Variants in WDR48 observed in about 807,000 individuals in gnomAD.
WDR48 encodes WD repeat domain 48, also known as WD repeat-containing protein 48.
Under a neutral mutation model 94.0 loss-of-function variants are expected in WDR48, and 22 were observed. That is an observed-to-expected ratio of 0.23 (90% CI 0.17 to 0.33). WDR48 has a LOEUF of 0.33. Ranked by LOEUF, WDR48 falls within the 10% of genes least tolerant of loss-of-function variation. The pLI is 1.00. For missense variants in WDR48, 541 were observed against 813.8 expected (o/e 0.66, Z 4.08); for synonymous variants, 278 against 280.5 (o/e 0.99, Z 0.09).
At chr3:39,086,943 T>G (rs1435149379) in intron 14 of WDR48, among the ~76,000 whole-genome samples, 1 of 152,118 alleles carries the variant, frequency 6.6e-6, no homozygotes, top group Admixed American at 6.5e-5. Flanking sequence ...CAGTGGACAC[T>G]CTGGAGTTGT....
intron 1 of WDR48, among the ~76,000 whole-genome samples, chr3:39,056,283 G>A (rs2032882005): frequency 6.6e-6 from 1 of 152,122 alleles, no homozygotes; most frequent in Admixed American, 6.6e-5. Context: ...TAAATGAAAG[G>A]ACAAAGATAG....
chr3:39,056,189 T>C (rs1015985597), intron 1 of WDR48, among the ~76,000 whole-genome samples: 1 of 152,216 alleles, frequency 6.6e-6, no homozygotes, highest in Non-Finnish European at 1.5e-5. Context: ...ATTGAAGATA[T>C]TGCTTTGATT....
intron 14 of WDR48, among the ~76,000 whole-genome samples, chr3:39,087,255 A>G (rs1455629958): frequency 6.6e-6 from 1 of 152,200 alleles, no homozygotes; most frequent in Non-Finnish European, 1.5e-5. Context: ...AGAAAGCAGA[A>G]TGGAGCTAGG....
chr3:39,089,106 C>T, intron 15 of WDR48, 125 bp from the exon 16 acceptor site: 1 of 772,374 alleles, frequency 1.3e-6, no homozygotes, highest in Middle Eastern at 2.4e-4. Flanking sequence ...CTTTTATTTC[C>T]TCAGCTGTCA....
chr3:39,060,421 TA>T (rs1559597838), intron 1 of WDR48, among the ~76,000 whole-genome samples: 2 of 63,764 alleles, frequency 3.1e-5, no homozygotes, highest in Non-Finnish European at 5.4e-5. Context: ...TGTGTGTGCA[TA>T]TATATATATA....
intron 11 of WDR48, 37 bp from the exon 12 acceptor site, chr3:39,084,118 C>G: frequency 6.5e-7 from 1 of 1,534,064 alleles, no homozygotes; most frequent in Non-Finnish European, 8.9e-7. Flanking sequence ...GAATTCACCA[C>G]TTAATATTGA....
rs762691966 is a variant in WDR48 at position 39,095,218 on chromosome 3, C to A, written c.*475C>A. On this transcript the variant is annotated 3_prime_UTR_variant, in exon 19 of 19. Transcript: ENST00000302313. ...TTCCAAGTTTGTCATATAAAGTAAT[C>A]AAATTGTTTTCACCGTTTAAGACAG... 6.3e-6 allele frequency: 1 copy of A among 158,360 alleles called. No homozygotes were observed. Among genetic ancestry groups the A allele is most frequent in the Non-Finnish European group, 1.4e-5 (1 of 71,580 alleles). 9.8% of individuals were successfully genotyped at this position (158,360 alleles called of 1,614,324 possible).
Position 39,094,057 on chromosome 3 carries a change from C to T in WDR48, c.1929C>T (p.Cys643=), listed in dbSNP as rs181850993. The stretch of plus-strand genomic sequence containing the variant: ...CAGAGGAGAAAATTGAACTTTTGTG[C>T]CAGGACCAGGTAAGTGGACTTGAGG... ...VLAEEKIELL[C]QDQVLDPNMD... Residue 643 remains cysteine, a synonymous_variant, in exon 18 of 19, where the codon TGC becomes TGT. Coordinates refer to ENST00000302313, the MANE Select transcript of WDR48 (RefSeq NM_020839.4). 310 of 1,611,204 alleles carry T rather than the reference C, an allele frequency of 1.9e-4. No homozygotes were observed. The highest frequency in any genetic ancestry group is 3.6e-5 in the Non-Finnish European group (42 of 1,179,126).
At chr3:39,094,528 G>C in intron 18 of WDR48, 120 bp from the exon 19 acceptor site, 1 of 1,543,210 alleles carries the variant, frequency 6.5e-7, no homozygotes, top group South Asian at 1.2e-5. Context: ...GCAAGAATTG[G>C]ATACCAGGCA....
chr3:39,084,827 A>G (rs2034723922), intron 13 of WDR48, 86 bp downstream of exon 13: 21 of 1,114,622 alleles, frequency 1.9e-5, no homozygotes, highest in Non-Finnish European at 2.7e-5. Context: ...TTATCTTTGT[A>G]AAAGTTCTCT....
At position 39,063,191 on chromosome 3, in the gene WDR48, G is replaced by A; in HGVS notation, c.189+1G>A. ...AATATGGAGTGTCAATCAGCACAAGGTAATGCAGGGATTAAAATCTGTACC... is the reference window on the plus strand; with the variant it reads ...AATATGGAGTGTCAATCAGCACAAGATAATGCAGGGATTAAAATCTGTACC... On this transcript the variant is annotated splice_donor_variant, in intron 2 of 18. Coordinates refer to ENST00000302313, the MANE Select transcript of WDR48 (RefSeq NM_020839.4). LOFTEE classifies it high-confidence loss of function. The A allele has an allele frequency of 6.2e-7, 1 of 1,613,332 alleles. No homozygotes were observed.
intron 7 of WDR48, among the ~76,000 whole-genome samples, chr3:39,070,848 A>G (rs1033024679): frequency 2.0e-4 from 30 of 151,878 alleles, no homozygotes; most frequent in Admixed American, 2.0e-3. Flanking sequence ...CACCCCCACA[A>G]CAGTCCCCAG....
chr3:39,060,034 G>A (rs34846193), intron 1 of WDR48, among the ~76,000 whole-genome samples: 15,771 of 151,960 alleles, frequency 0.1, 1,038 homozygotes, highest in East Asian at 0.22. Context: ...TCTTAGTCTT[G>A]CTCGTGTTAC....
intron 7 of WDR48, 29 bp from the exon 8 acceptor site, chr3:39,074,697 G>T: frequency 1.2e-6 from 2 of 1,611,106 alleles, no homozygotes; most frequent in South Asian, 1.1e-5. Context: ...TTTGTGGCAA[G>T]TTCTAACTTT....
intron 1 of WDR48, among the ~76,000 whole-genome samples, chr3:39,061,938 G>A (rs2033294734): frequency 6.6e-6 from 1 of 151,994 alleles, no homozygotes; most frequent in African/African-American, 2.4e-5. Context: ...CTTTTTGATG[G>A]GGTTGTTTTT....
intron 7 of WDR48, among the ~76,000 whole-genome samples, chr3:39,074,345 A>G (rs1325844558): frequency 1.3e-5 from 2 of 152,156 alleles, no homozygotes; most frequent in Admixed American, 1.3e-4. Flanking sequence ...CATTTTCCTT[A>G]TTGGCAACTA....
In WDR48 at chr3:39,093,880, A is replaced by G. The variant is rs751214848; in HGVS notation, c.1752A>G (p.Arg584=). The part of the protein sequence containing the change: ...SSGAKTLKKD[R]LSASDMLQVR... ...TGCCATTGCTTTTTTACAGAGATAG[A>G]CTCTCTGCTAGTGACATGCTCCAAG... Residue 584 remains arginine, a synonymous_variant, in exon 18 of 19, where the codon AGA becomes AGG. Coordinates refer to ENST00000302313, the MANE Select transcript of WDR48 (RefSeq NM_020839.4). 1 of 1,598,154 alleles carries G rather than the reference A, an allele frequency of 6.3e-7. No individual in the cohort carries two copies. The highest frequency in any genetic ancestry group is 8.5e-7 in the Non-Finnish European group (1 of 1,173,896).
chr3:39,073,807 A>T (rs1369036736), intron 7 of WDR48, among the ~76,000 whole-genome samples: 1 of 152,208 alleles, frequency 6.6e-6, no homozygotes, highest in Non-Finnish European at 1.5e-5. Flanking sequence ...TCCAACGCAA[A>T]GAGTGAATGG....
At chr3:39,052,991 T>C (rs1294064738) in intron 1 of WDR48, among the ~76,000 whole-genome samples, 1 of 152,232 alleles carries the variant, frequency 6.6e-6, no homozygotes, top group Admixed American at 6.5e-5. Flanking sequence ...CTGCACGTTG[T>C]GCACATATAT....
Sources: allele counts gnomAD v4.1 joint callset (sites outside exome capture counted in the v4.1 genomes callset), GRCh38; gene constraint gnomAD v4.1.1; transcripts MANE v1.5; gene names NCBI Gene and HGNC (gene_info 2026-07-23, HGNC 2026-07-21).